Variants in AUTS2 observed in about 807,000 individuals in gnomAD.
The protein encoded by AUTS2 is autism susceptibility gene 2 protein.
In AUTS2, 17 loss-of-function variants were observed where a neutral mutation model predicts 112.4. The ratio of observed to expected loss-of-function variants is 0.15; its 90% CI spans 0.10 to 0.23. AUTS2 has a LOEUF of 0.23. Ranked by LOEUF, AUTS2 falls within the 10% of genes least tolerant of loss-of-function variation. The probability of loss-of-function intolerance (pLI) is 1.00; values close to 1 mark genes in which losing one functional copy is unlikely to be tolerated. For missense variants in AUTS2, 1,510 were observed against 1,701.6 expected (o/e 0.89, Z 1.98); for synonymous variants, 751 against 702.7 (o/e 1.07, Z -1.09).
In AUTS2 at chr7:70,707,513, C is replaced by T. The variant is rs73706417; in HGVS notation, c.742+8893C>T. Among the ~76,000 whole-genome samples, 368 of 152,200 alleles carry T rather than the reference C, an allele frequency of 2.4e-3. 4 individuals are homozygous for T. The highest frequency in any genetic ancestry group is 8.7e-3 in the African/African-American group (360 of 41,538). On this transcript the variant is annotated intron_variant, in intron 6 of 18. Coordinates refer to ENST00000342771, the MANE Select transcript of AUTS2 (RefSeq NM_015570.4). Reference sequence around the variant, plus strand: ...TGTCCTTCCTGAGGGAGACACAAAGCGGGATGGTAAAAATTCGGATTGGGG... The same window carrying T: ...TGTCCTTCCTGAGGGAGACACAAAGTGGGATGGTAAAAATTCGGATTGGGG...
At chr7:70,066,680 C>T (rs1802511583) in intron 2 of AUTS2, among the ~76,000 whole-genome samples, 1 of 151,870 alleles carries the variant, frequency 6.6e-6, no homozygotes, top group Non-Finnish European at 1.5e-5. Flanking sequence ...GCTGGTACTA[C>T]AGGTGCATGC....
At chr7:70,707,627 A>C (rs1809808853) in intron 6 of AUTS2, among the ~76,000 whole-genome samples, 1 of 152,122 alleles carries the variant, frequency 6.6e-6, no homozygotes, top group Non-Finnish European at 1.5e-5. Context: ...CAAAGTATTT[A>C]ATCTTCTCAT....
At chr7:70,628,342 T>C (rs1252287696) in intron 5 of AUTS2, among the ~76,000 whole-genome samples, 1 of 6,008 alleles carries the variant, frequency 1.7e-4, no homozygotes, top group African/African-American at 9.9e-4. Flanking sequence ...ATATATATAG[T>C]ATATATATAT....
intron 1 of AUTS2, among the ~76,000 whole-genome samples, chr7:69,693,812 G>A (rs1797445136): frequency 6.6e-6 from 1 of 152,236 alleles, no homozygotes; most frequent in Non-Finnish European, 1.5e-5. Flanking sequence ...CTTTAGCCTG[G>A]TGGTTCTCAA....
chr7:70,262,030 A>T (rs960111189), intron 4 of AUTS2, among the ~76,000 whole-genome samples: 3 of 152,216 alleles, frequency 2.0e-5, no homozygotes, highest in African/African-American at 7.2e-5. Flanking sequence ...AAAGCATTTT[A>T]AGATGTAGTA....
At chr7:70,287,209 A>T (rs1788499893) in intron 4 of AUTS2, among the ~76,000 whole-genome samples, 1 of 152,194 alleles carries the variant, frequency 6.6e-6, no homozygotes. Flanking sequence ...GGACAGGGTC[A>T]GAACTTAGGG....
intron 2 of AUTS2, among the ~76,000 whole-genome samples, chr7:69,983,896 A>G (rs576680946): frequency 6.6e-6 from 1 of 152,286 alleles, no homozygotes; most frequent in African/African-American, 2.4e-5. Flanking sequence ...ACCCTTATAA[A>G]CCCTTATAAA....
chr7:70,699,695 C>T (rs1809339261), intron 6 of AUTS2, among the ~76,000 whole-genome samples: 1 of 152,098 alleles, frequency 6.6e-6, no homozygotes, highest in South Asian at 2.1e-4. Flanking sequence ...TTTTTTATTG[C>T]ATAATGGAGT....
At chr7:70,413,374 A>G (rs1025152140) in intron 4 of AUTS2, among the ~76,000 whole-genome samples, 53 of 152,292 alleles carry the variant, frequency 3.5e-4, no homozygotes, top group African/African-American at 1.2e-3. Flanking sequence ...ATTAGAGCCA[A>G]AGGTGGTCTG....
intron 1 of AUTS2, among the ~76,000 whole-genome samples, chr7:69,739,693 A>G (rs1330498165): frequency 1.3e-5 from 2 of 152,244 alleles, no homozygotes; most frequent in African/African-American, 2.4e-5. Context: ...CAACAGTACT[A>G]TGTCAATACA....
intron 2 of AUTS2, among the ~76,000 whole-genome samples, chr7:69,953,145 T>G (rs1347577555): frequency 6.6e-6 from 1 of 152,134 alleles, no homozygotes; most frequent in African/African-American, 2.4e-5. Context: ...TGTTAAGAGA[T>G]CTTGTCCTAA....
chr7:70,025,849 A>G (rs1420270478), intron 2 of AUTS2, among the ~76,000 whole-genome samples: 1 of 150,600 alleles, frequency 6.6e-6, no homozygotes, highest in East Asian at 2.0e-4. Flanking sequence ...AAGCACACAC[A>G]GTGGAGAGCT....
chr7:70,477,137 A>C (rs1797612871), intron 5 of AUTS2, among the ~76,000 whole-genome samples: 1 of 152,236 alleles, frequency 6.6e-6, no homozygotes, highest in Non-Finnish European at 1.5e-5. Flanking sequence ...GGCTGGCTCC[A>C]GGCTTCATCA....
chr7:69,951,999 C>T lies in AUTS2; in HGVS notation c.522+52501C>T, dbSNP rs191551132. Among the ~76,000 whole-genome samples the T allele has an allele frequency of 6.2e-4, 95 of 152,180 alleles. 1 individual carries two copies. Among genetic ancestry groups the T allele is most frequent in the Admixed American group, 1.7e-3 (26 of 15,284 alleles). On this transcript the variant is annotated intron_variant, in intron 2 of 18. Transcript: ENST00000342771. Reference sequence around the variant, plus strand: ...TACTTTATGTTTTGTGATTTTTACTCGATTTACCTAAAGAGAAAGTGCTCA... The same window carrying T: ...TACTTTATGTTTTGTGATTTTTACTTGATTTACCTAAAGAGAAAGTGCTCA...
At chr7:70,242,245 A>G (rs2129600686) in intron 4 of AUTS2, among the ~76,000 whole-genome samples, 1 of 152,290 alleles carries the variant, frequency 6.6e-6, no homozygotes, top group Middle Eastern at 3.4e-3. Flanking sequence ...TTGTGTGGCT[A>G]GAAGGAATGG....
chr7:69,989,558 T>A (rs1337878144), intron 2 of AUTS2, among the ~76,000 whole-genome samples: 1 of 152,160 alleles, frequency 6.6e-6, no homozygotes, highest in Non-Finnish European at 1.5e-5. Flanking sequence ...TGTGAGCAGC[T>A]ACTCATTGAA....
intron 4 of AUTS2, among the ~76,000 whole-genome samples, chr7:70,172,474 T>A (rs1166458470): frequency 1.3e-5 from 2 of 152,230 alleles, no homozygotes; most frequent in African/African-American, 4.8e-5. Context: ...ATTCAGATTC[T>A]ATGCAATGGT....
chr7:70,002,787 G>A (rs557521838), intron 2 of AUTS2, among the ~76,000 whole-genome samples: 1 of 152,058 alleles, frequency 6.6e-6, no homozygotes, highest in South Asian at 2.1e-4. Flanking sequence ...AAACATTGAA[G>A]GTAAGATTTG....
chr7:69,714,922 A>T, intron 1 of AUTS2, among the ~76,000 whole-genome samples: 1 of 151,926 alleles, frequency 6.6e-6, no homozygotes, highest in East Asian at 1.9e-4. Context: ...TATATATATT[A>T]TGTTTACTCT....
Sources: allele counts gnomAD v4.1 joint callset (sites outside exome capture counted in the v4.1 genomes callset), GRCh38; gene constraint gnomAD v4.1.1; transcripts MANE v1.5; gene names NCBI Gene and HGNC (gene_info 2026-07-23, HGNC 2026-07-21).